NCKAP1: variants seen among roughly 807,000 people sequenced by gnomAD.
The protein encoded by NCKAP1 is NCK associated protein 1.
A neutral mutation model predicts 151.2 loss-of-function variants in NCKAP1; 21 were observed. The ratio of observed to expected loss-of-function variants is 0.14; its 90% CI spans 0.10 to 0.20. The LOEUF (loss-of-function observed/expected upper bound fraction) is 0.20, where lower values mean the gene tolerates loss of function less well. Ranked by LOEUF, NCKAP1 falls within the 10% of genes least tolerant of loss-of-function variation. NCKAP1 has a pLI of 1.00. For synonymous variants in NCKAP1, 484 were observed against 451.8 expected, an observed-to-expected ratio of 1.07 and a Z score of -0.90; for missense variants, 933 against 1,352.1, an observed-to-expected ratio of 0.69 and a Z score of 4.86.
intron 24 of NCKAP1, among the ~76,000 whole-genome samples, chr2:182,940,682 T>C (rs1042876177): frequency 2.6e-5 from 4 of 152,180 alleles, no homozygotes; most frequent in Non-Finnish European, 5.9e-5. Context: ...TCAAGTGATC[T>C]GCCTGCCTTG....
rs781496082 is a variant in NCKAP1, at chr2:182,996,095, G to A, written c.604-257C>T. ...CAGAAACTCATGTTATTTTCTTAAAGGTTAAAATACGTGGCAATCTTGGGA... is the reference window on the plus strand; with the variant it reads ...CAGAAACTCATGTTATTTTCTTAAAAGTTAAAATACGTGGCAATCTTGGGA... On this transcript the variant is annotated intron_variant, in intron 6 of 30. Coordinates refer to ENST00000361354, the MANE Select transcript of NCKAP1 (RefSeq NM_013436.5). Among the ~76,000 whole-genome samples the A allele has an allele frequency of 9.1e-4, 139 of 152,312 alleles. 1 individual carries two copies. Among genetic ancestry groups the A allele is most frequent in the Non-Finnish European group, 1.9e-3 (129 of 68,028 alleles).
At chr2:182,991,962 G>A (rs530143054) in intron 8 of NCKAP1, among the ~76,000 whole-genome samples, 3 of 152,162 alleles carry the variant, frequency 2.0e-5, no homozygotes, top group South Asian at 4.2e-4. Flanking sequence ...TCTTAGCATC[G>A]GGCTATAATC....
chr2:182,935,612 T>C (rs888823857), intron 24 of NCKAP1: 4 of 264,278 alleles, frequency 1.5e-5, no homozygotes, highest in African/African-American at 8.9e-5. Flanking sequence ...TATTGTGCTC[T>C]TTCATATGAG....
At position 182,913,329 on chromosome 2, in the gene NCKAP1, G is replaced by A. The variant is rs1004728164; in HGVS notation, c.*12373C>T. ...GTCCCCAGTGCAGCAGTGTTGAGAG[G>A]TGGGACTTCTGGGAGGTGATTGGTT... On this transcript the variant is annotated 3_prime_UTR_variant, in exon 31 of 31. Transcript: ENST00000361354. The A allele has an allele frequency of 6.6e-6, 1 of 152,274 alleles. No homozygotes were observed. The highest frequency in any genetic ancestry group is 1.5e-5 in the Non-Finnish European group (1 of 68,080). 9.4% of individuals were successfully genotyped at this position (152,274 alleles called of 1,614,324 possible). A position where few individuals can be genotyped will look rare whatever the true frequency, so the allele number is the denominator to read the frequency against.
intron 2 of NCKAP1, among the ~76,000 whole-genome samples, chr2:183,019,921 A>G (rs1274801458): frequency 1.3e-5 from 2 of 152,158 alleles, no homozygotes; most frequent in Non-Finnish European, 2.9e-5. Context: ...AACAGAGTCC[A>G]ACATCATCAC....
intron 2 of NCKAP1, among the ~76,000 whole-genome samples, chr2:183,006,406 C>T: frequency 6.6e-6 from 1 of 152,224 alleles, no homozygotes; most frequent in South Asian, 2.1e-4. Context: ...TATAATAAAA[C>T]TTTAATATTC....
At position 182,999,215 on chromosome 2, in the gene NCKAP1, C is replaced by T. The variant is rs565585751; in HGVS notation, c.603+2738G>A. Among the ~76,000 whole-genome samples the T allele has an allele frequency of 4.6e-5, 7 of 152,130 alleles. 1 individual carries two copies. Among genetic ancestry groups the T allele is most frequent in the African/African-American group, 1.7e-4 (7 of 41,518 alleles). ...AAAGGCAAAATAAAGAGACAACTTA[C>T]AGAATGGGAGAAAATAATTGCAAAC... On this transcript the variant is annotated intron_variant, in intron 6 of 30. Coordinates refer to ENST00000361354, the MANE Select transcript of NCKAP1 (RefSeq NM_013436.5).
intron 16 of NCKAP1, among the ~76,000 whole-genome samples, chr2:182,965,097 T>C (rs886258297): frequency 1.3e-5 from 2 of 151,956 alleles, no homozygotes; most frequent in Non-Finnish European, 2.9e-5. Flanking sequence ...TAGGAAAAAA[T>C]ACCATTATTA....
intron 24 of NCKAP1, among the ~76,000 whole-genome samples, chr2:182,938,163 C>T (rs571533872): frequency 2.6e-5 from 4 of 152,042 alleles, no homozygotes; most frequent in East Asian, 1.9e-4. Flanking sequence ...TGAGAAGCCC[C>T]GGTCAAACTA....
intron 15 of NCKAP1, among the ~76,000 whole-genome samples, chr2:182,975,215 G>A (rs939074699): frequency 6.6e-6 from 1 of 152,030 alleles, no homozygotes; most frequent in African/African-American, 2.4e-5. Flanking sequence ...ACAAAGAGGT[G>A]TCAATTTTAA....
At chr2:182,933,534 T>C (rs1485792828) in intron 26 of NCKAP1, among the ~76,000 whole-genome samples, 2 of 151,802 alleles carry the variant, frequency 1.3e-5, no homozygotes, top group African/African-American at 4.8e-5. Flanking sequence ...GCTGGGATTA[T>C]AGGCATGCAC....
intron 10 of NCKAP1, among the ~76,000 whole-genome samples, chr2:182,984,612 T>A (rs776578640): frequency 1.4e-5 from 2 of 144,520 alleles, no homozygotes; most frequent in African/African-American, 2.4e-5. Flanking sequence ...AGAATAAGTA[T>A]GATGACATCT....
In NCKAP1 at chr2:182,909,894, C is replaced by A. The variant is rs1217724180; in HGVS notation, c.*15808G>T. On this transcript the variant is annotated 3_prime_UTR_variant, in exon 31 of 31. Transcript: ENST00000361354. ...ACCGATTTAGATAAGGGCCAAATAGCCTCCTGATCCAAGGCCACAAATTCT... is the reference window on the plus strand; with the variant it reads ...ACCGATTTAGATAAGGGCCAAATAGACTCCTGATCCAAGGCCACAAATTCT... The A allele has an allele frequency of 6.6e-6, 1 of 152,186 alleles. No individual in the cohort carries two copies. The highest frequency in any genetic ancestry group is 1.5e-5 in the Non-Finnish European group (1 of 68,030). 9.4% of individuals were successfully genotyped at this position (152,186 alleles called of 1,614,324 possible).
chr2:182,953,143 T>C lies in NCKAP1; in HGVS notation c.2342A>G (p.Glu781Gly), dbSNP rs1452216035. Reference sequence around the variant, plus strand: ...TGTGTATAGACTTGTAATGGTTGGCTCTCCATGACTGTCTAAATGTTGTGT... The same window carrying C: ...TGTGTATAGACTTGTAATGGTTGGCCCTCCATGACTGTCTAAATGTTGTGT... ...QQTQHLDSHG[E>G]PTITSLYTNW... The change falls in exon 21 of 31, where the codon GAG becomes GGG. Residue 781 changes from glutamate (E) to glycine (G), a missense_variant. Physicochemically the swap from Glu to Gly is moderately conservative, Grantham distance 98 (BLOSUM62 -2). Transcript: ENST00000361354. 6.2e-7 allele frequency: 1 copy of C among 1,612,532 alleles called. No individual in the cohort carries two copies. The highest frequency in any genetic ancestry group is 8.5e-7 in the Non-Finnish European group (1 of 1,179,300).
At position 182,952,460 on chromosome 2, in the gene NCKAP1, T is replaced by C; in HGVS notation, c.2546A>G (p.Lys849Arg). The stretch of plus-strand genomic sequence containing the variant: ...CCACATAAGGCTTTCACTTAGAAAC[T>C]TCATACCATATGGGCCTAGTAGTTC... ...LSELLGPYGMKFLSESLMWHI... is the reference protein window; with the variant it reads ...LSELLGPYGMRFLSESLMWHI... Residue 849 changes from lysine to arginine, a missense_variant, in exon 23 of 31, where the codon AAG becomes AGG. By Grantham distance (26) the Lys-to-Arg change is conservative (BLOSUM62 2). Coordinates refer to ENST00000361354, the MANE Select transcript of NCKAP1 (RefSeq NM_013436.5). The C allele has an allele frequency of 6.2e-7, 1 of 1,611,614 alleles. No homozygotes were observed. The highest frequency in any genetic ancestry group is 1.1e-5 in the South Asian group (1 of 90,474).
chr2:182,930,253 A>G (rs899391759), intron 27 of NCKAP1, among the ~76,000 whole-genome samples: 2 of 152,020 alleles, frequency 1.3e-5, no homozygotes, highest in Admixed American at 6.6e-5. Flanking sequence ...CCTCACTGAC[A>G]CTGATCTTGT....
chr2:182,922,371 T>C lies in NCKAP1; in HGVS notation c.*3331A>G, dbSNP rs919480747. Reference sequence around the variant, plus strand: ...TAACCAGCCTACATTAGATTTAATTTGTGAACTCTGCTATATAAGCAAAGA... The same window carrying C: ...TAACCAGCCTACATTAGATTTAATTCGTGAACTCTGCTATATAAGCAAAGA... On this transcript the variant is annotated 3_prime_UTR_variant, in exon 31 of 31. Coordinates refer to ENST00000361354, the MANE Select transcript of NCKAP1 (RefSeq NM_013436.5). The C allele has an allele frequency of 6.6e-6, 1 of 152,222 alleles. No individual in the cohort carries two copies. Among genetic ancestry groups the C allele is most frequent in the African/African-American group, 2.4e-5 (1 of 41,450 alleles). 9.4% of individuals were successfully genotyped at this position (152,222 alleles called of 1,614,324 possible). A position where few individuals can be genotyped will look rare whatever the true frequency, so the allele number is the denominator to read the frequency against.
intron 18 of NCKAP1, among the ~76,000 whole-genome samples, chr2:182,961,334 A>G (rs1351968550): frequency 1.3e-5 from 2 of 152,242 alleles, no homozygotes; most frequent in African/African-American, 2.4e-5. Context: ...AACCAACCCA[A>G]AGGTCCAACA....
At chr2:182,946,493 T>C (rs1007603019) in intron 23 of NCKAP1, among the ~76,000 whole-genome samples, 10 of 151,920 alleles carry the variant, frequency 6.6e-5, no homozygotes, top group African/African-American at 2.4e-4. Flanking sequence ...TGGGTACTTA[T>C]GCTTACTACC....
Sources: gnomAD v4.1 joint callset for allele counts (sites outside exome capture counted in the v4.1 genomes callset) on GRCh38, gnomAD v4.1.1 for gene constraint, MANE v1.5 for transcripts, NCBI Gene and HGNC (gene_info 2026-07-23, HGNC 2026-07-21) for gene names.